XKR3: variants seen among roughly 807,000 people sequenced by gnomAD.
The protein encoded by XKR3 is XK related 3, also known as XK-related protein 3.
XKR3 carries 27 observed loss-of-function variants against 40.3 expected under a neutral mutation model. The ratio of observed to expected loss-of-function variants is 0.67; its 90% CI spans 0.49 to 0.92. The LOEUF (loss-of-function observed/expected upper bound fraction) is 0.92, where lower values mean the gene tolerates loss of function less well. Ranked by LOEUF, XKR3 falls within the 40% of genes least tolerant of loss-of-function variation. The probability of loss-of-function intolerance (pLI) is 0.00; values close to 1 mark genes in which losing one functional copy is unlikely to be tolerated. For missense variants in XKR3, 472 were observed against 537.6 expected (o/e 0.88, Z 1.21); for synonymous variants, 193 against 195.4 (o/e 0.99, Z 0.10).
At chr22:16,795,050 GAACTAACACACATCTAC>G (rs1312725376) in intron 3 of XKR3, among the ~76,000 whole-genome samples, 2 of 152,096 alleles carry the variant, frequency 1.3e-5, no homozygotes, top group African/African-American at 2.4e-5. Context: ...TGACCAAATG[GAACTAACACACATCTAC>G]AGAATGAACA....
intron 1 of XKR3, among the ~76,000 whole-genome samples, chr22:16,809,633 A>AT (rs1339401543): frequency 1.3e-5 from 2 of 152,246 alleles, no homozygotes; most frequent in African/African-American, 4.8e-5. Flanking sequence ...TATTTTTGCC[A>AT]TTGATAATAT....
chr22:16,788,600 T>C (rs1263668185), intron 3 of XKR3, among the ~76,000 whole-genome samples: 1 of 150,922 alleles, frequency 6.6e-6, no homozygotes, highest in Non-Finnish European at 1.5e-5. Flanking sequence ...TGGAAAAAAA[T>C]AAAAAAAAGA....
At chr22:16,795,935 G>A (rs372856383) in intron 3 of XKR3, among the ~76,000 whole-genome samples, 2 of 151,832 alleles carry the variant, frequency 1.3e-5, no homozygotes, top group East Asian at 3.9e-4. Flanking sequence ...TCACTGAACT[G>A]CAGCCTTGGT....
chr22:16,803,965 C>T (rs1467025832), intron 2 of XKR3, among the ~76,000 whole-genome samples: 3 of 152,166 alleles, frequency 2.0e-5, no homozygotes, highest in Non-Finnish European at 2.9e-5. Context: ...GATCCAAGAA[C>T]CCTCTCTTGG....
Position 16,799,798 on chromosome 22 carries a change from T to G in XKR3, c.562A>C (p.Thr188Pro). The change falls in exon 3 of 4, where the codon ACT becomes CCT. Residue 188 changes from threonine to proline, a missense_variant. Transcript: ENST00000684488. ...QLILQMYISL[T>P]IREWPLNRAL... ...CTATTCAAAGGCCATTCTCGTATAG[T>G]GAGACTGATATACATCTGCAAAATT... 6.2e-7 allele frequency: 1 copy of G among 1,614,108 alleles called. No individual in the cohort carries two copies. Among genetic ancestry groups the G allele is most frequent in the African/African-American group, 1.3e-5 (1 of 75,052 alleles).
intron 1 of XKR3, among the ~76,000 whole-genome samples, chr22:16,811,189 T>C (rs996712965): frequency 2.0e-5 from 3 of 151,366 alleles, no homozygotes; most frequent in Non-Finnish European, 4.4e-5. Flanking sequence ...TGGCAGGATC[T>C]CGGCTCACCA....
chr22:16,793,312 C>G (rs112575244), intron 3 of XKR3, among the ~76,000 whole-genome samples: 2,062 of 152,304 alleles, frequency 0.014, 30 homozygotes, highest in African/African-American at 0.042. Flanking sequence ...GCCCCTGGCC[C>G]TCGTGACTAT....
chr22:16,797,517 G>T (rs1259471315), intron 3 of XKR3, among the ~76,000 whole-genome samples: 2 of 152,182 alleles, frequency 1.3e-5, no homozygotes, highest in Admixed American at 1.3e-4. Context: ...AAGTGGCCAG[G>T]CGCAGTGGCT....
chr22:16,796,630 A>C (rs1271948153), intron 3 of XKR3, among the ~76,000 whole-genome samples: 1 of 152,200 alleles, frequency 6.6e-6, no homozygotes, highest in East Asian at 1.9e-4. Context: ...GGATTGATAA[A>C]ATCAAACATC....
chr22:16,812,360 C>T (rs1189042789), intron 1 of XKR3, among the ~76,000 whole-genome samples: 1 of 152,116 alleles, frequency 6.6e-6, no homozygotes, highest in Non-Finnish European at 1.5e-5. Flanking sequence ...AGATAACTCA[C>T]ATAGTATAAC....
At chr22:16,795,452 T>C (rs1022602461) in intron 3 of XKR3, among the ~76,000 whole-genome samples, 1 of 152,136 alleles carries the variant, frequency 6.6e-6, no homozygotes, top group African/African-American at 2.4e-5. Context: ...ATCAAGAAGT[T>C]AGAAAAATCT....
chr22:16,802,075 C>A (rs1419144710), intron 2 of XKR3, among the ~76,000 whole-genome samples: 1 of 152,150 alleles, frequency 6.6e-6, no homozygotes, highest in East Asian at 1.9e-4. Context: ...TATTGTACCT[C>A]TCTCTCACCA....
chr22:16,802,585 G>C (rs1225489769), intron 2 of XKR3, among the ~76,000 whole-genome samples: 1 of 151,902 alleles, frequency 6.6e-6, no homozygotes, highest in African/African-American at 2.4e-5. Flanking sequence ...TCCTTCCCAG[G>C]TTCATGTGAT....
intron 1 of XKR3, 26 bp from the exon 2 acceptor site, chr22:16,808,109 G>T: frequency 6.6e-7 from 1 of 1,510,384 alleles, no homozygotes; most frequent in Non-Finnish European, 9.0e-7. Context: ...CGTCTTGTCA[G>T]TGAATCCAGT....
intron 2 of XKR3, among the ~76,000 whole-genome samples, chr22:16,804,778 G>A (rs1368729970): frequency 1.3e-5 from 2 of 152,072 alleles, no homozygotes; most frequent in Admixed American, 1.3e-4. Context: ...GAGCTGTCAA[G>A]CCTTTCTGGA....
intron 3 of XKR3, among the ~76,000 whole-genome samples, chr22:16,792,192 C>T (rs2060123215): frequency 1.3e-5 from 2 of 152,116 alleles, no homozygotes; most frequent in African/African-American, 2.4e-5. Flanking sequence ...GTGATCCACC[C>T]ACCTTGGCCT....
intron 1 of XKR3, among the ~76,000 whole-genome samples, chr22:16,815,071 A>G (rs1390612629): frequency 1.3e-5 from 2 of 152,020 alleles, no homozygotes; most frequent in Non-Finnish European, 2.9e-5. Flanking sequence ...TTTTGCATTA[A>G]GTTTCATGTT....
intron 2 of XKR3, among the ~76,000 whole-genome samples, chr22:16,805,457 G>A (rs1453441686): frequency 6.6e-6 from 1 of 152,078 alleles, no homozygotes; most frequent in Non-Finnish European, 1.5e-5. Context: ...TCACAGGACC[G>A]TGAGTTGAAA....
chr22:16,819,573 G>A (rs2060247686), intron 1 of XKR3, among the ~76,000 whole-genome samples: 1 of 152,090 alleles, frequency 6.6e-6, no homozygotes, highest in African/African-American at 2.4e-5. Context: ...AGGAAAAATA[G>A]CCTTAACATA....
Sources: allele counts gnomAD v4.1 joint callset (sites outside exome capture counted in the v4.1 genomes callset), GRCh38; gene constraint gnomAD v4.1.1; transcripts MANE v1.5; gene names NCBI Gene and HGNC (gene_info 2026-07-23, HGNC 2026-07-21).